BLVRA: variants seen among roughly 807,000 people sequenced by gnomAD.
The protein encoded by BLVRA is biliverdin reductase A.
A neutral mutation model predicts 32.8 loss-of-function variants in BLVRA; 22 were observed. The ratio of observed to expected loss-of-function variants is 0.67; its 90% CI spans 0.48 to 0.96. BLVRA has a LOEUF of 0.96. Ranked by LOEUF, BLVRA falls within the 40% of genes least tolerant of loss-of-function variation. BLVRA has a pLI of 0.00. For synonymous variants in BLVRA, 119 were observed against 141.3 expected (o/e 0.84, Z 1.12); for missense variants, 323 against 358.1 (o/e 0.90, Z 0.79).
Position 43,787,111 on chromosome 7 carries a change from C to T in BLVRA, c.13-793C>T, listed in dbSNP as rs960642030. On this transcript the variant is annotated intron_variant, in intron 2 of 7. Transcript: ENST00000265523. The surrounding 1 kb of genome is among the most constrained non-coding windows in gnomAD (Gnocchi z 4.5). ...CTAATTTTTGTATTTTTAGTAGAGA[C>T]GAGGTTTCTCCATGTTGGCCAGGCT... 6.6e-6 allele frequency among the ~76,000 whole-genome samples: 1 copy of T among 151,862 alleles called. No individual in the cohort carries two copies. The highest frequency in any genetic ancestry group is 1.5e-5 in the Non-Finnish European group (1 of 67,976).
At chr7:43,791,487 G>T in intron 4 of BLVRA, 119 bp downstream of exon 4, 1 of 1,090,706 alleles carries the variant, frequency 9.2e-7, no homozygotes. Context: ...AATTACAATT[G>T]CTCTGTGACC....
chr7:43,793,053 T>C (rs1238379006), intron 5 of BLVRA, among the ~76,000 whole-genome samples: 1 of 152,212 alleles, frequency 6.6e-6, no homozygotes, highest in Non-Finnish European at 1.5e-5. Context: ...AAGGAAAAAA[T>C]ATGAATTAGT....
At chr7:43,761,436 A>G (rs1044386912) in intron 1 of BLVRA, among the ~76,000 whole-genome samples, 2 of 152,250 alleles carry the variant, frequency 1.3e-5, no homozygotes, top group Admixed American at 6.5e-5. Flanking sequence ...CACTCTGTGT[A>G]GCGGCTCCCT....
chr7:43,781,353 C>CT (rs138737365), intron 2 of BLVRA, among the ~76,000 whole-genome samples: 2 of 151,550 alleles, frequency 1.3e-5, no homozygotes, highest in African/African-American at 4.8e-5. Context: ...GTGTGATATA[C>CT]TTTTTTTTTC....
chr7:43,758,907 G>C (rs1279923030), intron 1 of BLVRA, among the ~76,000 whole-genome samples, 173 bp downstream of exon 1: 1 of 151,958 alleles, frequency 6.6e-6, no homozygotes, highest in Non-Finnish European at 1.5e-5. Context: ...CGCCCCGCCC[G>C]GGCCCGGAGT....
At chr7:43,797,498 A>G (rs1450367212) in intron 5 of BLVRA, among the ~76,000 whole-genome samples, 1 of 152,262 alleles carries the variant, frequency 6.6e-6, no homozygotes, top group East Asian at 1.9e-4. Flanking sequence ...ATGAACCGGG[A>G]AACTAAAATA....
At chr7:43,774,546 G>C (rs1179648830) in intron 2 of BLVRA, among the ~76,000 whole-genome samples, 1 of 152,214 alleles carries the variant, frequency 6.6e-6, no homozygotes, top group Non-Finnish European at 1.5e-5. Context: ...CCGTAGCCTT[G>C]TAGTATAGTT....
intron 1 of BLVRA, chr7:43,767,285 A>C (rs2095749270): frequency 4.6e-6 from 5 of 1,090,530 alleles, no homozygotes; most frequent in Non-Finnish European, 7.0e-6. Context: ...CAGCACAACT[A>C]CACTGTGGAG....
chr7:43,763,235 C>T (rs1345794509), intron 1 of BLVRA, among the ~76,000 whole-genome samples: 1 of 152,160 alleles, frequency 6.6e-6, no homozygotes, highest in Non-Finnish European at 1.5e-5. Context: ...GGCTGGAATA[C>T]TGCTGGAGGA....
chr7:43,775,552 T>C (rs933651570), intron 2 of BLVRA, among the ~76,000 whole-genome samples: 46 of 152,372 alleles, frequency 3.0e-4, no homozygotes, highest in African/African-American at 1.1e-3. Context: ...CAGTATTTTA[T>C]TGAGGATTTT....
At chr7:43,783,047 C>T (rs764496727) in intron 2 of BLVRA, among the ~76,000 whole-genome samples, 12 of 152,040 alleles carry the variant, frequency 7.9e-5, no homozygotes, top group Non-Finnish European at 1.2e-4. Flanking sequence ...GGAAGGGAAG[C>T]GGGAGTGAGC....
At chr7:43,780,334 A>C (rs1160236218) in intron 2 of BLVRA, among the ~76,000 whole-genome samples, 1 of 152,196 alleles carries the variant, frequency 6.6e-6, no homozygotes, top group Non-Finnish European at 1.5e-5. Flanking sequence ...GCCAGTGACC[A>C]AGGCTGTAAA....
intron 5 of BLVRA, among the ~76,000 whole-genome samples, chr7:43,796,839 C>A (rs138551183): frequency 1.3e-5 from 2 of 152,282 alleles, no homozygotes; most frequent in African/African-American, 4.8e-5. Flanking sequence ...GTCTAAAGAA[C>A]TCTACAACTC....
Position 43,767,193 on chromosome 7 carries a change from G to A in BLVRA, c.-21-3945G>A, listed in dbSNP as rs1406554380. 1.7e-5 allele frequency: 10 copies of A among 596,134 alleles called. No individual in the cohort carries two copies. The African/African-American group carries it at 1.9e-4, about 11-fold the overall frequency. 36.9% of individuals were successfully genotyped at this position (596,134 alleles called of 1,614,324 possible). A position where few individuals can be genotyped will look rare whatever the true frequency, so the allele number is the denominator to read the frequency against. ...CAATAAAGTTCATAAGTAATGTTCT[G>A]TAGGCCACTTTTATAGGAAAACTTT... On this transcript the variant is annotated intron_variant, in intron 1 of 7. Transcript: ENST00000265523.
Position 43,771,165 on chromosome 7 carries a change from G to A in BLVRA, c.7G>A (p.Ala3Thr), listed in dbSNP as rs699512. The A allele has an allele frequency of 0.78, 1,261,213 of 1,612,758 alleles. 495,414 individuals are homozygous for A. Among genetic ancestry groups the A allele is most frequent in the African/African-American group, 0.94 (70,408 of 75,004 alleles). The change falls in exon 2 of 8, where the codon GCA (alanine) becomes ACA (threonine). Residue 3 changes from alanine to threonine, a missense_variant. Coordinates refer to ENST00000265523, the MANE Select transcript of BLVRA (RefSeq NM_000712.4). MN[A>T]EPERKFGVVV... ...ACCGAAGGAAGAGACCAAGATGAAT[G>A]CAGAGGTGAGTTCTTTACAAAGACC...
intron 5 of BLVRA, among the ~76,000 whole-genome samples, chr7:43,798,226 A>T (rs10272931): frequency 0.096 from 13,557 of 141,598 alleles, 859 homozygotes; most frequent in Admixed American, 0.15. Flanking sequence ...AAAAAAAAAA[A>T]GGAAACGATG....
intron 2 of BLVRA, among the ~76,000 whole-genome samples, chr7:43,783,069 A>G (rs76446968): frequency 1.0e-3 from 153 of 152,268 alleles, no homozygotes; most frequent in African/African-American, 3.6e-3. Context: ...AAGGCGCTAT[A>G]CACTGCAGAA....
rs2095779758 is a variant in BLVRA, at chr7:43,787,869, G to A, written c.13-35G>A. 2 of 1,613,992 alleles carry A rather than the reference G, an allele frequency of 1.2e-6. No individual in the cohort carries two copies. Among genetic ancestry groups the A allele is most frequent in the South Asian group, 1.1e-5 (1 of 91,082 alleles). On this transcript the variant is annotated intron_variant, in intron 2 of 7. Transcript: ENST00000265523. This position sits in a 1 kb window ranked among gnomAD's most constrained non-coding sequence, Gnocchi z 4.5. ...TAGTTTTCTGCTCGATGCCTACAGT[G>A]TTTTCAGACTCCACCTTGGTCCCTT...
intron 2 of BLVRA, among the ~76,000 whole-genome samples, chr7:43,772,494 AGGGCTGGGTGTGGAAAGAAGAAAGGGGG>A (rs1171085213): frequency 6.6e-6 from 1 of 152,188 alleles, no homozygotes; most frequent in East Asian, 1.9e-4. Flanking sequence ...CCCCTGCCCC[AGGGCTGGGTGTGGAAAGAAGAAAGGGGG>A]ATGTATCCCT....
Sources: allele counts gnomAD v4.1 joint callset (sites outside exome capture counted in the v4.1 genomes callset), GRCh38; gene constraint gnomAD v4.1.1; non-coding constraint Gnocchi (gnomAD v3.1); transcripts MANE v1.5; gene names NCBI Gene and HGNC (gene_info 2026-07-23, HGNC 2026-07-21).